RCN3: variants seen among roughly 807,000 people sequenced by gnomAD.
RCN3 encodes reticulocalbin 3.
Under a neutral mutation model 35.9 loss-of-function variants are expected in RCN3, and 41 were observed. That is an observed-to-expected ratio of 1.14 (90% CI 0.89 to 1.48). The LOEUF (loss-of-function observed/expected upper bound fraction) is 1.48. RCN3 is among the 40% of genes most tolerant of loss of function. The probability of loss-of-function intolerance (pLI) is 0.00; values close to 1 mark genes in which losing one functional copy is unlikely to be tolerated. For missense variants in RCN3, 451 were observed against 471.3 expected (o/e 0.96, Z 0.40); for synonymous variants, 187 against 193.4 (o/e 0.97, Z 0.27).
chr19:49,537,691 G>T (rs1327546666), intron 4 of RCN3, among the ~76,000 whole-genome samples: 1 of 151,860 alleles, frequency 6.6e-6, no homozygotes, highest in South Asian at 2.1e-4. Flanking sequence ...TAGAGACAGG[G>T]TTTCTTCATG....
rs1389494924 is a variant in RCN3 at position 49,531,989 on chromosome 19, G to A, written c.243-2204G>A. 3.3e-5 allele frequency among the ~76,000 whole-genome samples: 5 copies of A among 150,684 alleles called. No homozygotes were observed. In the East Asian group the frequency reaches 7.8e-4, roughly 24 times the overall value. On this transcript the variant is annotated intron_variant, in intron 2 of 6. Transcript: ENST00000270645. ...CTAATTTTTTTGTATTTTTAGTAGAGACGGGGTTTCGCCGTGTTAGCCAGG... is the reference window on the plus strand; with the variant it reads ...CTAATTTTTTTGTATTTTTAGTAGAAACGGGGTTTCGCCGTGTTAGCCAGG...
chr19:49,536,823 C>T (rs1306897220), intron 3 of RCN3, among the ~76,000 whole-genome samples: 3 of 152,020 alleles, frequency 2.0e-5, no homozygotes, highest in Non-Finnish European at 2.9e-5. Context: ...CCAGGCTGGT[C>T]TCAAACTCCT....
intron 1 of RCN3, 93 bp from the exon 2 acceptor site, chr19:49,528,374 T>C: frequency 8.1e-7 from 1 of 1,239,464 alleles, no homozygotes; most frequent in Non-Finnish European, 1.1e-6. Flanking sequence ...CTCCCTGTCC[T>C]GTCCTAGGTA....
At chr19:49,535,904 A>G (rs957414628) in intron 3 of RCN3, among the ~76,000 whole-genome samples, 2 of 149,120 alleles carry the variant, frequency 1.3e-5, no homozygotes, top group Non-Finnish European at 3.0e-5. Context: ...ATAGATATAG[A>G]TATACACACA....
Position 49,543,482 on chromosome 19 carries a change from A to G in RCN3, c.*269A>G, listed in dbSNP as rs1378068713. On this transcript the variant is annotated 3_prime_UTR_variant, in exon 7 of 7. Transcript: ENST00000270645. ...CCAGACCCAGGGACCCTTGGCCCCAAGCTCAGCTCTAAGAACCGCCCCAAC... is the reference window on the plus strand; with the variant it reads ...CCAGACCCAGGGACCCTTGGCCCCAGGCTCAGCTCTAAGAACCGCCCCAAC... The G allele has an allele frequency of 4.1e-6, 2 of 489,182 alleles. No homozygotes were observed. Among genetic ancestry groups the G allele is most frequent in the Middle Eastern group, 6.0e-4 (1 of 1,668 alleles). 30.3% of individuals were successfully genotyped at this position (489,182 alleles called of 1,614,324 possible).
At position 49,537,141 on chromosome 19, in the gene RCN3, G is replaced by A. The variant is rs755257902; in HGVS notation, c.554G>A (p.Arg185Gln). ...ADQDGDSMAT[R>Q]EELTAFLHPE... ...CAGGATGGGGACTCGATGGCCACTCGAGAGGAGCTGACAGCCTTCCTGCAC... is the reference window on the plus strand; with the variant it reads ...CAGGATGGGGACTCGATGGCCACTCAAGAGGAGCTGACAGCCTTCCTGCAC... The change falls in exon 4 of 7, where the codon CGA (arginine) becomes CAA (glutamine). Residue 185 changes from arginine (R) to glutamine (Q), a missense_variant. Arg to Gln is a conservative substitution (Grantham distance 43). Coordinates refer to ENST00000270645, the MANE Select transcript of RCN3 (RefSeq NM_020650.3). 10 of 1,596,392 alleles carry A rather than the reference G, an allele frequency of 6.3e-6. No individual in the cohort carries two copies. The highest frequency in any genetic ancestry group is 4.6e-5 in the East Asian group (2 of 43,136).
intron 5 of RCN3, among the ~76,000 whole-genome samples, chr19:49,540,620 TAA>T (rs563890742): frequency 1.5e-4 from 20 of 137,320 alleles, no homozygotes; most frequent in Non-Finnish European, 2.4e-4. Context: ...AACTCCATCT[TAA>T]AAAAAAAAAA....
rs1171453356 is a variant in RCN3, at chr19:49,543,365, G to A, written c.*152G>A. The A allele has an allele frequency of 7.5e-6, 5 of 667,504 alleles. No homozygotes were observed. Among genetic ancestry groups the A allele is most frequent in the Admixed American group, 4.7e-5 (2 of 42,190 alleles). The allele number at this position is 667,504 out of a possible 1,614,324, so 41.3% of individuals were successfully genotyped here. A position where few individuals can be genotyped will look rare whatever the true frequency, so the allele number is the denominator to read the frequency against. On this transcript the variant is annotated 3_prime_UTR_variant, in exon 7 of 7. Transcript: ENST00000270645. ...TGGGCTCTCAGGGACCCCCTGGGTC[G>A]GCTTCTGTCCCTGTCACACCCCCAA...
intron 3 of RCN3, among the ~76,000 whole-genome samples, chr19:49,536,135 C>T (rs747182281): frequency 4.7e-5 from 7 of 149,470 alleles, no homozygotes; most frequent in African/African-American, 7.3e-5. Context: ...TACAGGCATG[C>T]GCCACCACGC....
At chr19:49,532,100 C>CTTTTTTTTTTTTTTTTT (rs925920521) in intron 2 of RCN3, among the ~76,000 whole-genome samples, 1 of 93,026 alleles carries the variant, frequency 1.1e-5, no homozygotes, top group African/African-American at 4.4e-5. Flanking sequence ...GGCGCCTGGC[C>CTTTTTTTTTTTTTTTTT]TTTTTTTTTT....
Position 49,534,397 on chromosome 19 carries a change from T to C in RCN3, c.445+2T>C, listed in dbSNP as rs1260700281. On this transcript the variant is annotated splice_donor_variant, in intron 3 of 6. Coordinates refer to ENST00000270645, the MANE Select transcript of RCN3 (RefSeq NM_020650.3). LOFTEE classifies it high-confidence loss of function. ...CCACCTATGGCCACTACGCGCCCGGTACGCGGCGAGCCCCCGACCCTGCTC... is the reference window on the plus strand; with the variant it reads ...CCACCTATGGCCACTACGCGCCCGGCACGCGGCGAGCCCCCGACCCTGCTC... 6.5e-7 allele frequency: 1 copy of C among 1,537,456 alleles called. No individual in the cohort carries two copies. The highest frequency in any genetic ancestry group is 8.7e-7 in the Non-Finnish European group (1 of 1,144,944).
intron 5 of RCN3, 120 bp downstream of exon 5, chr19:49,539,299 G>A (rs2080151994): frequency 2.8e-6 from 2 of 720,294 alleles, no homozygotes; most frequent in Admixed American, 3.0e-5. Context: ...CAGACATGGG[G>A]GCAGGGGCAC....
chr19:49,541,509 G>A (rs1217896630), intron 5 of RCN3, among the ~76,000 whole-genome samples: 1 of 152,130 alleles, frequency 6.6e-6, no homozygotes, highest in Admixed American at 6.6e-5. Flanking sequence ...AGCACTTTAG[G>A]AGGCCAAGGT....
chr19:49,543,180 C>T lies in RCN3; in HGVS notation c.954C>T (p.Gly318=), dbSNP rs1129459. The change falls in exon 7 of 7, where the codon GGC becomes GGT. Residue 318 remains glycine, a synonymous_variant. Coordinates refer to ENST00000270645, the MANE Select transcript of RCN3 (RefSeq NM_020650.3). ...MFVGSQATNY[G]EDLTRHHDEL ...TGGGCAGTCAGGCCACCAACTATGG[C>T]GAGGACCTGACCCGGCACCACGATG... 0.08 allele frequency: 129,437 copies of T among 1,613,140 alleles called. 6,184 individuals carry two copies. Among genetic ancestry groups the T allele is most frequent in the African/African-American group, 0.18 (13,724 of 74,934 alleles).
chr19:49,532,036 C>T (rs149888962), intron 2 of RCN3, among the ~76,000 whole-genome samples: 2,566 of 147,346 alleles, frequency 0.017, 180 homozygotes, highest in East Asian at 0.16. Flanking sequence ...CTGCTGACCT[C>T]GTGATCCACC....
intron 2 of RCN3, among the ~76,000 whole-genome samples, chr19:49,532,452 T>A (rs1315549316): frequency 1.3e-5 from 2 of 151,808 alleles, no homozygotes; most frequent in East Asian, 3.9e-4. Flanking sequence ...CTCGGCTCAC[T>A]GCAACCTACG....
rs2080171310 is a variant in RCN3 at position 49,543,096 on chromosome 19, C to T, written c.880-10C>T. ...GTGTTGTCCCCTCTGAACCCTGACCCTCCCTCCAGGATGGGCGGCTGAGCA... is the reference window on the plus strand; with the variant it reads ...GTGTTGTCCCCTCTGAACCCTGACCTTCCCTCCAGGATGGGCGGCTGAGCA... On this transcript the variant is annotated splice_polypyrimidine_tract_variant and intron_variant, in intron 6 of 6. Transcript: ENST00000270645. The T allele has an allele frequency of 6.2e-7, 1 of 1,611,938 alleles. No homozygotes were observed. Among genetic ancestry groups the T allele is most frequent in the South Asian group, 1.1e-5 (1 of 91,036 alleles).
chr19:49,540,863 C>T (rs1477937496), intron 5 of RCN3, among the ~76,000 whole-genome samples: 3 of 151,818 alleles, frequency 2.0e-5, no homozygotes, highest in African/African-American at 7.3e-5. Context: ...TTAGCATTCT[C>T]CGGTGCACAG....
chr19:49,542,998 A>T, intron 6 of RCN3, 108 bp from the exon 7 acceptor site: 1 of 943,894 alleles, frequency 1.1e-6, no homozygotes, highest in Non-Finnish European at 1.7e-6. Flanking sequence ...AAAGGGACAG[A>T]GGCCCAGAGA....
Sources: allele counts gnomAD v4.1 joint callset (sites outside exome capture counted in the v4.1 genomes callset), GRCh38; gene constraint gnomAD v4.1.1; transcripts MANE v1.5; gene names NCBI Gene and HGNC (gene_info 2026-07-23, HGNC 2026-07-21).